Variants in ANKFY1 observed in about 807,000 individuals in gnomAD.
ANKFY1 encodes ankyrin repeat and FYVE domain-containing protein 1.
ANKFY1 carries 47 observed loss-of-function variants against 128.3 expected under a neutral mutation model. That is an observed-to-expected ratio of 0.37 (90% CI 0.29 to 0.47). The LOEUF is 0.47. Among genes scored for constraint, ANKFY1 ranks in the 20% least tolerant of loss-of-function variants. The probability of loss-of-function intolerance (pLI) is 1.00; values close to 1 mark genes in which losing one functional copy is unlikely to be tolerated. For missense variants in ANKFY1, 1,222 were observed against 1,510.6 expected (o/e 0.81, Z 3.17); for synonymous variants, 553 against 601.6 (o/e 0.92, Z 1.18).
chr17:4,197,528 G>A lies in ANKFY1; in HGVS notation c.948C>T (p.Asn316=), dbSNP rs767277217. The stretch of plus-strand genomic sequence containing the variant: ...TCTCCTGGGCACCCAGTGTAGCAGC[G>A]TTGACAAAGGCCCCATTCTTAATGA... The part of the protein sequence containing the change: ...TFLIKNGAFV[N]AATLGAQETP... The change falls in exon 8 of 25, where the codon AAC becomes AAT. Residue 316 remains asparagine (N), a synonymous_variant. Coordinates refer to ENST00000341657, the MANE Select transcript of ANKFY1 (RefSeq NM_001330063.2). 8.7e-6 allele frequency: 14 copies of A among 1,614,032 alleles called. No individual in the cohort carries two copies. Among genetic ancestry groups the A allele is most frequent in the South Asian group, 3.3e-5 (3 of 91,078 alleles).
At chr17:4,243,315 C>G (rs1236375464) in intron 1 of ANKFY1, among the ~76,000 whole-genome samples, 1 of 152,074 alleles carries the variant, frequency 6.6e-6, no homozygotes, top group Non-Finnish European at 1.5e-5. Flanking sequence ...ATCCACCCAC[C>G]TCGGCCTCCC....
At chr17:4,185,091 C>A in intron 11 of ANKFY1, 45 bp from the exon 12 acceptor site, 1 of 1,562,818 alleles carries the variant, frequency 6.4e-7, no homozygotes, top group South Asian at 1.1e-5. Flanking sequence ...CACAGGAATT[C>A]CCTTCACAAA....
chr17:4,193,402 T>G (rs1331546474), intron 10 of ANKFY1, among the ~76,000 whole-genome samples: 13 of 146,152 alleles, frequency 8.9e-5, no homozygotes, highest in African/African-American at 3.0e-4. Flanking sequence ...AGTACAGGCA[T>G]GAGCCACCAG....
chr17:4,229,266 A>T (rs564858552), intron 3 of ANKFY1, among the ~76,000 whole-genome samples: 81 of 152,148 alleles, frequency 5.3e-4, no homozygotes, highest in African/African-American at 1.9e-3. Context: ...TCTACTAAAA[A>T]TACAAAAATT....
intron 3 of ANKFY1, 69 bp downstream of exon 3, chr17:4,235,703 G>A (rs1275984969): frequency 1.2e-5 from 13 of 1,044,358 alleles, no homozygotes; most frequent in Non-Finnish European, 1.9e-5. Flanking sequence ...TTCAAAATGA[G>A]ACACCACAAC....
intron 1 of ANKFY1, among the ~76,000 whole-genome samples, chr17:4,257,315 C>A (rs1968180482): frequency 6.6e-6 from 1 of 152,244 alleles, no homozygotes; most frequent in African/African-American, 2.4e-5. Flanking sequence ...CCATCCTCTA[C>A]ACTGCAGTCA....
Position 4,182,229 on chromosome 17 carries a change from CG to C in ANKFY1, c.2072del (p.Pro691ArgfsTer61). 2.5e-6 allele frequency: 4 copies of C among 1,581,662 alleles called. No individual in the cohort carries two copies. The highest frequency in any genetic ancestry group is 3.4e-6 in the Non-Finnish European group (4 of 1,161,332). On this transcript the variant is annotated frameshift_variant, in exon 15 of 25. Transcript: ENST00000341657. LOFTEE classifies it high-confidence loss of function. ...GATTGTTTGCCAATGCAAGCCACAG[CG>C]GGGGGTTCCCCTTCTCATCTGGCAC... ...MSVPDEKGNP[P>X]LWLALANNLE...
chr17:4,185,773 T>C (rs948234813), intron 11 of ANKFY1, among the ~76,000 whole-genome samples: 4 of 152,166 alleles, frequency 2.6e-5, no homozygotes, highest in Non-Finnish European at 5.9e-5. Flanking sequence ...AATATATGCT[T>C]ATCACGACAG....
rs757073780 is a variant in ANKFY1, at chr17:4,183,780, TGCAGACATCAGCGGCCCCG to T, written c.1798+13_1798+31del. 5.1e-6 allele frequency: 8 copies of T among 1,576,224 alleles called. No homozygotes were observed. In the African/African-American group the frequency reaches 1.1e-4, roughly 21 times the overall value. On this transcript the variant is annotated intron_variant, in intron 13 of 24. Coordinates refer to ENST00000341657, the MANE Select transcript of ANKFY1 (RefSeq NM_001330063.2). ...GCCCCACTTCGGACAGCTGTCTGTCTGCAGACATCAGCGGCCCCGGCACAGCCTTACCAGTCCATAATGC... is the reference window on the plus strand; with the variant it reads ...GCCCCACTTCGGACAGCTGTCTGTCTGCACAGCCTTACCAGTCCATAATGC...
Position 4,208,746 on chromosome 17 carries a change from AAAC to A in ANKFY1, c.583-667_583-665del, listed in dbSNP as rs143082882. Among the ~76,000 whole-genome samples, 101 of 152,214 alleles carry A rather than the reference AAAC, an allele frequency of 6.6e-4. No individual in the cohort carries two copies. The Middle Eastern group carries it at 0.014, about 21-fold the overall frequency. ...ACCAGCCCTAATATTCTAAAACTGC[AAAC>A]AACAACAACAAAATGTAAACACTGG... On this transcript the variant is annotated intron_variant, in intron 5 of 24. Transcript: ENST00000341657.
intron 4 of ANKFY1, among the ~76,000 whole-genome samples, chr17:4,213,099 C>T (rs999938553): frequency 2.6e-5 from 4 of 152,064 alleles, no homozygotes; most frequent in Non-Finnish European, 4.4e-5. Flanking sequence ...CAAAACATCA[C>T]GAAGGAGAGG....
At chr17:4,171,570 G>A (rs1292368488) in intron 22 of ANKFY1, among the ~76,000 whole-genome samples, 5 of 152,178 alleles carry the variant, frequency 3.3e-5, no homozygotes, top group East Asian at 3.8e-4. Context: ...GCTAGAATGC[G>A]ACAGGGCCAG....
intron 4 of ANKFY1, among the ~76,000 whole-genome samples, chr17:4,212,185 C>T (rs909702979): frequency 2.6e-5 from 4 of 152,192 alleles, no homozygotes; most frequent in African/African-American, 7.2e-5. Flanking sequence ...CAGTCACAGA[C>T]GACTAGTATG....
chr17:4,232,933 T>G (rs1389579289), intron 3 of ANKFY1, among the ~76,000 whole-genome samples: 1 of 151,920 alleles, frequency 6.6e-6, no homozygotes, highest in African/African-American at 2.4e-5. Context: ...ATTTCACAAT[T>G]AAAATAAAAC....
intron 7 of ANKFY1, among the ~76,000 whole-genome samples, chr17:4,204,107 T>C (rs956627024): frequency 6.6e-6 from 1 of 152,160 alleles, no homozygotes; most frequent in Non-Finnish European, 1.5e-5. Flanking sequence ...CAGATTCTAA[T>C]GTGTGCTCAG....
Position 4,263,970 on chromosome 17 carries a change from C to T in ANKFY1, c.-29G>A. On this transcript the variant is annotated 5_prime_UTR_variant, in exon 1 of 25. Transcript: ENST00000341657. ...TGGCCCGGCACTGCCTGCAACCTCGCGAGAAGTGCGCGGCTCAACCGGGGC... is the reference window on the plus strand; with the variant it reads ...TGGCCCGGCACTGCCTGCAACCTCGTGAGAAGTGCGCGGCTCAACCGGGGC... 1 of 1,613,920 alleles carries T rather than the reference C, an allele frequency of 6.2e-7. No individual in the cohort carries two copies. Among genetic ancestry groups the T allele is most frequent in the Non-Finnish European group, 8.5e-7 (1 of 1,179,940 alleles).
In ANKFY1 at chr17:4,165,922, C is replaced by A. The variant is rs1486378906; in HGVS notation, c.*1857G>T. On this transcript the variant is annotated 3_prime_UTR_variant, in exon 25 of 25. Coordinates refer to ENST00000341657, the MANE Select transcript of ANKFY1 (RefSeq NM_001330063.2). The stretch of plus-strand genomic sequence containing the variant: ...AACTTAGGTAACCAAGCTACCTAAG[C>A]CCTGCCTGCTTCCTTATGGCCCTTT... The A allele has an allele frequency of 6.6e-6, 1 of 152,212 alleles. No individual in the cohort carries two copies. The highest frequency in any genetic ancestry group is 1.5e-5 in the Non-Finnish European group (1 of 68,040). 9.4% of individuals were successfully genotyped at this position (152,212 alleles called of 1,614,324 possible). A position where few individuals can be genotyped will look rare whatever the true frequency, so the allele number is the denominator to read the frequency against.
intron 2 of ANKFY1, among the ~76,000 whole-genome samples, chr17:4,236,647 A>ATGCCGTAT (rs1966923548): frequency 6.6e-6 from 1 of 152,178 alleles, no homozygotes; most frequent in Non-Finnish European, 1.5e-5. Flanking sequence ...ACACGAACAC[A>ATGCCGTAT]TGCCGTATGG....
At chr17:4,232,097 A>T (rs1334183144) in intron 3 of ANKFY1, among the ~76,000 whole-genome samples, 7 of 152,144 alleles carry the variant, frequency 4.6e-5, no homozygotes, top group Non-Finnish European at 1.0e-4. Context: ...TTACCACTCA[A>T]TGTTTTTTAT....
Sources: allele counts gnomAD v4.1 joint callset (sites outside exome capture counted in the v4.1 genomes callset), GRCh38; gene constraint gnomAD v4.1.1; transcripts MANE v1.5; gene names NCBI Gene and HGNC (gene_info 2026-07-23, HGNC 2026-07-21).